PAIP2B: variants seen among roughly 807,000 people sequenced by gnomAD.
PAIP2B encodes the protein poly(A) binding protein interacting protein 2B.
In PAIP2B, 13 loss-of-function variants were observed where a neutral mutation model predicts 17.0. The ratio of observed to expected loss-of-function variants is 0.76; its 90% confidence interval spans 0.50 to 1.22. The LOEUF is 1.22. Among genes scored for constraint, PAIP2B ranks in the 50% most tolerant of loss-of-function variants. The pLI, the probability that PAIP2B is intolerant of heterozygous loss-of-function variation, is 0.00. For missense variants in PAIP2B, 117 were observed against 144.5 expected (o/e 0.81, Z 0.98); for synonymous variants, 43 against 48.7 (o/e 0.88, Z 0.48).
chr2:71,209,687 A>C (rs1425314913), intron 1 of PAIP2B, among the ~76,000 whole-genome samples: 1 of 152,208 alleles, frequency 6.6e-6, no homozygotes, highest in East Asian at 1.9e-4. Flanking sequence ...ATCAAACTCC[A>C]ACTTTCTAAC....
At chr2:71,198,012 C>A (rs555962248) in intron 2 of PAIP2B, among the ~76,000 whole-genome samples, 1 of 152,228 alleles carries the variant, frequency 6.6e-6, no homozygotes, top group Non-Finnish European at 1.5e-5. Context: ...TGTTCCCCTC[C>A]CTTTCAGGGA....
intron 1 of PAIP2B, among the ~76,000 whole-genome samples, chr2:71,217,167 A>G: frequency 6.6e-6 from 1 of 152,198 alleles, no homozygotes; most frequent in East Asian, 1.9e-4. Context: ...ACGGAGTCTC[A>G]CTGTCGTCTA....
rs1427730775 is a variant in PAIP2B at position 71,189,840 on chromosome 2, C to G, written c.315+5G>C. ...ATAACCTGGGGAACTACATATGGCTCTTACCAAAATATCTTCAGAATCATG... is the reference window on the plus strand; with the variant it reads ...ATAACCTGGGGAACTACATATGGCTGTTACCAAAATATCTTCAGAATCATG... On this transcript the variant is annotated splice_donor_5th_base_variant and intron_variant, in intron 3 of 3. Coordinates refer to ENST00000244221, the MANE Select transcript of PAIP2B (RefSeq NM_020459.1). 6.5e-7 allele frequency: 1 copy of G among 1,549,090 alleles called. No individual in the cohort carries two copies. Among genetic ancestry groups the G allele is most frequent in the Non-Finnish European group, 8.7e-7 (1 of 1,145,580 alleles).
At position 71,184,883 on chromosome 2, in the gene PAIP2B, A is replaced by G. The variant is rs1674494627; in HGVS notation, c.*3596T>C. Reference sequence around the variant, plus strand: ...TCTCCAAATCTTGGTCAAATCTGTCAGATTTCTAACAGTTTCAATACCTCA... The same window carrying G: ...TCTCCAAATCTTGGTCAAATCTGTCGGATTTCTAACAGTTTCAATACCTCA... On this transcript the variant is annotated 3_prime_UTR_variant, in exon 4 of 4. Transcript: ENST00000244221. 1 of 152,184 alleles carries G rather than the reference A, an allele frequency of 6.6e-6. No homozygotes were observed. Among genetic ancestry groups the G allele is most frequent in the African/African-American group, 2.4e-5 (1 of 41,438 alleles). 9.4% of individuals were successfully genotyped at this position (152,184 alleles called of 1,614,324 possible).
intron 1 of PAIP2B, among the ~76,000 whole-genome samples, chr2:71,218,158 G>C (rs1675479663): frequency 1.3e-5 from 2 of 151,952 alleles, no homozygotes; most frequent in African/African-American, 4.8e-5. Flanking sequence ...TGTGACTTTG[G>C]AGCTTGGCTA....
At chr2:71,193,383 G>T (rs1443598020) in intron 2 of PAIP2B, among the ~76,000 whole-genome samples, 3 of 152,114 alleles carry the variant, frequency 2.0e-5, no homozygotes, top group Non-Finnish European at 2.9e-5. Flanking sequence ...CTTTCTGTAG[G>T]TTGTCTGTTT....
At chr2:71,189,009 T>C (rs935876545) in intron 3 of PAIP2B, among the ~76,000 whole-genome samples, 2 of 149,644 alleles carry the variant, frequency 1.3e-5, no homozygotes, top group Non-Finnish European at 3.0e-5. Context: ...ACAGACTTTT[T>C]TTTTTTTTTT....
At chr2:71,214,862 A>C (rs1159823100) in intron 1 of PAIP2B, among the ~76,000 whole-genome samples, 3 of 152,184 alleles carry the variant, frequency 2.0e-5, no homozygotes, top group Non-Finnish European at 2.9e-5. Flanking sequence ...AATTTAAAAA[A>C]CAGTTTCCAA....
At position 71,202,567 on chromosome 2, in the gene PAIP2B, T is replaced by A; in HGVS notation, c.23A>T (p.Asn8Ile). Reference protein sequence around the residue: MNGSNMANTSPSVKSKED... With the variant: MNGSNMAITSPSVKSKED... ...TTTGGATTTTACACTCGGTGATGTA[T>A]TTGCCATATTGGATCCATTCATTAT... The change falls in exon 2 of 4, where the codon AAT (asparagine) becomes ATT (isoleucine). Residue 8 changes from asparagine to isoleucine, a missense_variant. Coordinates refer to ENST00000244221, the MANE Select transcript of PAIP2B (RefSeq NM_020459.1). 1 of 1,613,558 alleles carries A rather than the reference T, an allele frequency of 6.2e-7. No homozygotes were observed. Among genetic ancestry groups the A allele is most frequent in the Non-Finnish European group, 8.5e-7 (1 of 1,179,594 alleles).
At chr2:71,190,977 C>G (rs1199647022) in intron 2 of PAIP2B, among the ~76,000 whole-genome samples, 1 of 152,216 alleles carries the variant, frequency 6.6e-6, no homozygotes, top group Non-Finnish European at 1.5e-5. Context: ...TTCTGCATTT[C>G]TTAAACATTG....
chr2:71,216,843 G>T (rs1442023327), intron 1 of PAIP2B, among the ~76,000 whole-genome samples: 1 of 152,188 alleles, frequency 6.6e-6, no homozygotes, highest in South Asian at 2.1e-4. Context: ...CCAATTAAAA[G>T]ACATATATCT....
At chr2:71,220,047 T>C in intron 1 of PAIP2B, among the ~76,000 whole-genome samples, 1 of 152,230 alleles carries the variant, frequency 6.6e-6, no homozygotes, top group Non-Finnish European at 1.5e-5. Context: ...ATCATTTGGA[T>C]GTACCATAGT....
Position 71,188,351 on chromosome 2 carries a change from T to G in PAIP2B, c.*128A>C. The G allele has an allele frequency of 4.9e-5, 35 of 711,418 alleles. No homozygotes were observed. Among genetic ancestry groups the G allele is most frequent in the Non-Finnish European group, 7.6e-5 (31 of 409,336 alleles). The allele number at this position is 711,418 out of a possible 1,614,324, so 44.1% of individuals were successfully genotyped here. A position where few individuals can be genotyped will look rare whatever the true frequency, so the allele number is the denominator to read the frequency against. On this transcript the variant is annotated 3_prime_UTR_variant, in exon 4 of 4. Coordinates refer to ENST00000244221, the MANE Select transcript of PAIP2B (RefSeq NM_020459.1). ...TTAGTTACTCAGAGTCACAGTATTG[T>G]GAGACCACCACTCCCCTTCCCGCTG...
At chr2:71,198,105 C>A (rs1386213512) in intron 2 of PAIP2B, among the ~76,000 whole-genome samples, 1 of 152,066 alleles carries the variant, frequency 6.6e-6, no homozygotes, top group African/African-American at 2.4e-5. Context: ...ATTCTTCTTG[C>A]TTTATTTTTG....
intron 2 of PAIP2B, among the ~76,000 whole-genome samples, chr2:71,195,067 G>C (rs542394062): frequency 2.6e-5 from 4 of 152,156 alleles, no homozygotes; most frequent in Non-Finnish European, 5.9e-5. Flanking sequence ...CTGGCATCCC[G>C]GGGATGAAGC....
At chr2:71,212,746 G>A (rs1160878552) in intron 1 of PAIP2B, among the ~76,000 whole-genome samples, 1 of 150,970 alleles carries the variant, frequency 6.6e-6, no homozygotes, top group Non-Finnish European at 1.5e-5. Flanking sequence ...GAGCCACTAT[G>A]CCCAGCCTAT....
Position 71,188,171 on chromosome 2 carries a change from A to G in PAIP2B, c.*308T>C. 2.9e-6 allele frequency: 1 copy of G among 342,088 alleles called. No individual in the cohort carries two copies. The highest frequency in any genetic ancestry group is 5.3e-6 in the Non-Finnish European group (1 of 187,682). The allele number at this position is 342,088 out of a possible 1,614,324, so 21.2% of individuals were successfully genotyped here. On this transcript the variant is annotated 3_prime_UTR_variant, in exon 4 of 4. Coordinates refer to ENST00000244221, the MANE Select transcript of PAIP2B (RefSeq NM_020459.1). ...TTTTCTTAGTCAGCTTATTTTGTTT[A>G]AATACACACCGCGGAACACTTCTGA...
chr2:71,209,909 C>G (rs935476932), intron 1 of PAIP2B, among the ~76,000 whole-genome samples: 1 of 152,006 alleles, frequency 6.6e-6, no homozygotes, highest in Non-Finnish European at 1.5e-5. Flanking sequence ...ACTGCAACCT[C>G]CACCTCCTGG....
intron 3 of PAIP2B, 46 bp downstream of exon 3, chr2:71,189,799 A>G: frequency 1.3e-6 from 2 of 1,485,224 alleles, no homozygotes; most frequent in Non-Finnish European, 1.8e-6. Flanking sequence ...TCCAAATCCT[A>G]TATTCTTTTC....
Sources: allele counts gnomAD v4.1 joint callset (sites outside exome capture counted in the v4.1 genomes callset), GRCh38; gene constraint gnomAD v4.1.1; transcripts MANE v1.5; gene names NCBI Gene and HGNC (gene_info 2026-07-23, HGNC 2026-07-21).